The following LRRFIP1 variants were observed in gnomAD, a reference collection of about 807,000 sequenced individuals.
LRRFIP1 encodes the protein LRR binding FLII interacting protein 1, also known as leucine-rich repeat flightless-interacting protein 1.
LRRFIP1 carries 62 observed loss-of-function variants against 104.4 expected under a neutral mutation model. The ratio of observed to expected loss-of-function variants is 0.59; its 90% CI spans 0.48 to 0.73. The LOEUF (loss-of-function observed/expected upper bound fraction) is 0.73, where lower values mean the gene tolerates loss of function less well. Ranked by LOEUF, LRRFIP1 falls within the 30% of genes least tolerant of loss-of-function variation. The probability of loss-of-function intolerance (pLI) is 0.00; values close to 1 mark genes in which losing one functional copy is unlikely to be tolerated. For synonymous variants in LRRFIP1, 300 were observed against 299.0 expected, an observed-to-expected ratio of 1.00 and a Z score of -0.03; for missense variants, 796 against 824.5, an observed-to-expected ratio of 0.97 and a Z score of 0.42.
intron 1 of LRRFIP1, among the ~76,000 whole-genome samples, chr2:237,642,565 T>C (rs2149328932): frequency 6.6e-6 from 1 of 151,930 alleles, no homozygotes; most frequent in Admixed American, 6.5e-5. Context: ...AGGCTCCAGG[T>C]TCTAGGTTAA....
At chr2:237,760,444 C>T (rs2059739308) in intron 19 of LRRFIP1, among the ~76,000 whole-genome samples, 2 of 152,212 alleles carry the variant, frequency 1.3e-5, no homozygotes, top group African/African-American at 4.8e-5. Context: ...TCTTTTGCTG[C>T]TCAAAGCTAC....
Position 237,735,443 on chromosome 2 carries a change from A to C in LRRFIP1, c.555+110A>C, listed in dbSNP as rs1172239979. On this transcript the variant is annotated intron_variant, in intron 10 of 23. Coordinates refer to ENST00000308482, the MANE Select transcript of LRRFIP1 (RefSeq NM_001137550.2). The surrounding 1 kb of genome is among the most constrained non-coding windows in gnomAD (Gnocchi z 4.6). Reference sequence around the variant, plus strand: ...GGGTGACTGGCCATTCTCAGGAGGAAGCGCCGAGTCACCGGGCTAACCGCC... The same window carrying C: ...GGGTGACTGGCCATTCTCAGGAGGACGCGCCGAGTCACCGGGCTAACCGCC... 1 of 991,434 alleles carries C rather than the reference A, an allele frequency of 1.0e-6. No homozygotes were observed. Among genetic ancestry groups the C allele is most frequent in the East Asian group, 2.7e-5 (1 of 37,734 alleles). 61.4% of individuals were successfully genotyped at this position (991,434 alleles called of 1,614,324 possible). A position where few individuals can be genotyped will look rare whatever the true frequency, so the allele number is the denominator to read the frequency against.
At chr2:237,778,924 A>C (rs9808449) in intron 23 of LRRFIP1, among the ~76,000 whole-genome samples, 3,288 of 149,956 alleles carry the variant, frequency 0.022, 119 homozygotes, top group African/African-American at 0.076. Context: ...CTCAAAAAAA[A>C]AAACAAACAA....
At position 237,780,327 on chromosome 2, in the gene LRRFIP1, C is replaced by T. The variant is rs1380944639; in HGVS notation, c.*795C>T. 6.6e-6 allele frequency: 1 copy of T among 152,002 alleles called. No individual in the cohort carries two copies. The highest frequency in any genetic ancestry group is 1.5e-5 in the Non-Finnish European group (1 of 67,994). The allele number at this position is 152,002 out of a possible 1,614,324, so 9.4% of individuals were successfully genotyped here. ...GTTGAGAGACTTCAGCAATGTGGTT[C>T]TAATTTTTTTCCACTGAGAAAGAAG... On this transcript the variant is annotated 3_prime_UTR_variant, in exon 24 of 24. Coordinates refer to ENST00000308482, the MANE Select transcript of LRRFIP1 (RefSeq NM_001137550.2).
chr2:237,666,887 CCTTT>C (rs1393466920), intron 1 of LRRFIP1, among the ~76,000 whole-genome samples: 20 of 144,120 alleles, frequency 1.4e-4, no homozygotes, highest in African/African-American at 5.2e-4. Flanking sequence ...TCGCTCTGTT[CCTTT>C]CTTTTTTCCC....
chr2:237,748,366 A>G lies in LRRFIP1; in HGVS notation c.636A>G (p.Val212=), dbSNP rs1185794630. 1.2e-6 allele frequency: 2 copies of G among 1,606,216 alleles called. No individual in the cohort carries two copies. Among genetic ancestry groups the G allele is most frequent in the Non-Finnish European group, 1.7e-6 (2 of 1,176,154 alleles). ...ATTTTGTCTGTTTTCGTCTACAGGT[A>G]GAAGAGAGACCAGAAAAAGATTTTA... The part of the protein sequence containing the change: ...RASSARASPV[V]EERPEKDFTE... The change falls in exon 12 of 24, where the codon GTA becomes GTG. Residue 212 remains valine (V), a splice_region_variant and synonymous_variant. Coordinates refer to ENST00000308482, the MANE Select transcript of LRRFIP1 (RefSeq NM_001137550.2).
At chr2:237,745,190 T>C (rs532495125) in intron 11 of LRRFIP1, among the ~76,000 whole-genome samples, 10 of 152,338 alleles carry the variant, frequency 6.6e-5, no homozygotes, top group African/African-American at 2.4e-4. Context: ...TGTGACACAC[T>C]GCCATCTGGT....
chr2:237,719,220 A>G (rs530248770), intron 4 of LRRFIP1, among the ~76,000 whole-genome samples: 10 of 152,360 alleles, frequency 6.6e-5, no homozygotes, highest in African/African-American at 2.4e-4. Flanking sequence ...AGATTGATTT[A>G]AATGGATCAG....
chr2:237,769,874 A>G lies in LRRFIP1; in HGVS notation c.1460-69A>G, dbSNP rs1576412323. ...TCACTAACCTGAACGATCATTCTTC[A>G]GTTTAGCAATGTGCTGAAAGGCGCG... On this transcript the variant is annotated intron_variant, in intron 19 of 23. Coordinates refer to ENST00000308482, the MANE Select transcript of LRRFIP1 (RefSeq NM_001137550.2). The G allele has an allele frequency of 5.5e-6, 6 of 1,089,600 alleles. No homozygotes were observed. In the East Asian group the frequency reaches 1.3e-4, roughly 23 times the overall value. The allele number at this position is 1,089,600 out of a possible 1,614,324, so 67.5% of individuals were successfully genotyped here. A position where few individuals can be genotyped will look rare whatever the true frequency, so the allele number is the denominator to read the frequency against.
chr2:237,740,215 G>A (rs1319269706), intron 11 of LRRFIP1, among the ~76,000 whole-genome samples: 1 of 151,160 alleles, frequency 6.6e-6, no homozygotes, highest in Non-Finnish European at 1.5e-5. Context: ...AGATCAGTTT[G>A]GCCAACATAG....
intron 23 of LRRFIP1, among the ~76,000 whole-genome samples, chr2:237,777,399 T>C (rs1446256972): frequency 6.6e-6 from 1 of 152,250 alleles, no homozygotes; most frequent in African/African-American, 2.4e-5. Context: ...AGCAGACTTC[T>C]TGGTGGTGAA....
At chr2:237,748,639 G>T (rs1436977441) in intron 12 of LRRFIP1, among the ~76,000 whole-genome samples, 1 of 152,086 alleles carries the variant, frequency 6.6e-6, no homozygotes, top group Non-Finnish European at 1.5e-5. Context: ...GGAGTTTAGG[G>T]TTAATCCAGC....
intron 1 of LRRFIP1, among the ~76,000 whole-genome samples, chr2:237,634,704 T>G (rs1227594510): frequency 6.6e-6 from 1 of 152,238 alleles, no homozygotes; most frequent in African/African-American, 2.4e-5. Flanking sequence ...CCAAGCAGTG[T>G]ACTATAATCT....
chr2:237,709,974 T>A (rs767388194), intron 2 of LRRFIP1, among the ~76,000 whole-genome samples: 19 of 151,836 alleles, frequency 1.3e-4, no homozygotes, highest in Non-Finnish European at 2.8e-4. Flanking sequence ...TGCCTCAGCC[T>A]CCCAAGTAGC....
At chr2:237,704,935 T>C (rs1426898017) in intron 1 of LRRFIP1, among the ~76,000 whole-genome samples, 2 of 152,014 alleles carry the variant, frequency 1.3e-5, no homozygotes, top group African/African-American at 2.4e-5. Context: ...AGTCTTTAAA[T>C]GTCATTATCC....
chr2:237,665,460 T>C (rs2149493653), intron 1 of LRRFIP1, among the ~76,000 whole-genome samples: 1 of 152,342 alleles, frequency 6.6e-6, no homozygotes, highest in South Asian at 2.1e-4. Flanking sequence ...AAGAATGAGA[T>C]GGTTTCCAGA....
intron 1 of LRRFIP1, among the ~76,000 whole-genome samples, chr2:237,645,886 TG>T (rs1350396219): frequency 0.013 from 1,926 of 152,122 alleles, 61 homozygotes; most frequent in African/African-American, 0.043. Context: ...TACAAAGCCC[TG>T]TCCACTGGGT....
intron 11 of LRRFIP1, among the ~76,000 whole-genome samples, chr2:237,745,744 A>G (rs905373410): frequency 1.2e-4 from 19 of 152,314 alleles, no homozygotes; most frequent in African/African-American, 4.6e-4. Context: ...CTGGAGCTTC[A>G]TTTATTTCTC....
chr2:237,647,883 T>C (rs1016275586), intron 1 of LRRFIP1, among the ~76,000 whole-genome samples: 5 of 152,096 alleles, frequency 3.3e-5, no homozygotes, highest in African/African-American at 1.2e-4. Flanking sequence ...CTTCAGGGCA[T>C]TTCCATGAGA....
Sources: gnomAD v4.1 joint callset for allele counts (sites outside exome capture counted in the v4.1 genomes callset) on GRCh38, gnomAD v4.1.1 for gene constraint, Gnocchi (gnomAD v3.1) non-coding constraint, MANE v1.5 for transcripts, NCBI Gene and HGNC (gene_info 2026-07-23, HGNC 2026-07-21) for gene names.